TTC17: variants seen among roughly 807,000 people sequenced by gnomAD.
TTC17 encodes the protein tetratricopeptide repeat protein 17.
TTC17 carries 58 observed loss-of-function variants against 143.8 expected under a neutral mutation model. The ratio of observed to expected loss-of-function variants is 0.40; its 90% CI spans 0.33 to 0.50. TTC17 has a LOEUF of 0.50. TTC17 is among the 20% of genes least tolerant of loss of function. TTC17 has a pLI of 0.49. For synonymous variants in TTC17, 501 were observed against 497.8 expected, an observed-to-expected ratio of 1.01 and a Z score of -0.09; for missense variants, 1,273 against 1,392.5, an observed-to-expected ratio of 0.91 and a Z score of 1.37.
Position 43,407,475 on chromosome 11 carries a change from A to T in TTC17, c.1962A>T (p.Gln654His). 1 of 1,614,028 alleles carries T rather than the reference A, an allele frequency of 6.2e-7. No individual in the cohort carries two copies. The highest frequency in any genetic ancestry group is 8.5e-7 in the Non-Finnish European group (1 of 1,179,976). ...RALNLAPLQY[Q>H]DVPLVNLANL... The stretch of plus-strand genomic sequence containing the variant: ...TGAATTTAGCTCCACTTCAATACCA[A>T]GATGTTCCTCTTGTCAACTTGGCCA... The change falls in exon 15 of 24, where the codon CAA becomes CAT. Residue 654 changes from glutamine (Q) to histidine (H), a missense_variant. Transcript: ENST00000039989.
intron 15 of TTC17, among the ~76,000 whole-genome samples, chr11:43,411,398 A>C (rs1191071654): frequency 6.6e-6 from 1 of 151,894 alleles, no homozygotes; most frequent in Non-Finnish European, 1.5e-5. Context: ...TCCCTCTCAT[A>C]CTACTCTGTT....
At chr11:43,359,360 G>C (rs1855999554) in intron 1 of TTC17, 5 of 453,586 alleles carry the variant, frequency 1.1e-5, no homozygotes, top group Admixed American at 4.5e-5. Context: ...CGCGCGCCGC[G>C]TGGGGAAGAG....
At chr11:43,456,258 C>G (rs1318542554) in intron 21 of TTC17, among the ~76,000 whole-genome samples, 1 of 151,822 alleles carries the variant, frequency 6.6e-6, no homozygotes, top group East Asian at 1.9e-4. Flanking sequence ...CTTCTAAATG[C>G]TTTTCCACTG....
At chr11:43,467,848 G>T (rs141171474) in intron 21 of TTC17, among the ~76,000 whole-genome samples, 2 of 150,742 alleles carry the variant, frequency 1.3e-5, no homozygotes, top group Non-Finnish European at 3.0e-5. Flanking sequence ...GGGAGATAAG[G>T]CAATAAAGGA....
At chr11:43,393,022 T>C (rs984936183) in intron 5 of TTC17, among the ~76,000 whole-genome samples, 1 of 152,218 alleles carries the variant, frequency 6.6e-6, no homozygotes, top group Non-Finnish European at 1.5e-5. Flanking sequence ...ATTTGTCTGC[T>C]CAGGCTTCCA....
chr11:43,439,221 T>C (rs994946776), intron 16 of TTC17, among the ~76,000 whole-genome samples: 2 of 152,210 alleles, frequency 1.3e-5, no homozygotes, highest in Admixed American at 6.5e-5. Flanking sequence ...CCCGAATTTT[T>C]GGTGCAATAT....
At chr11:43,437,457 G>A (rs1293084417) in intron 16 of TTC17, among the ~76,000 whole-genome samples, 2 of 152,152 alleles carry the variant, frequency 1.3e-5, no homozygotes, top group Non-Finnish European at 2.9e-5. Flanking sequence ...AATCAATACA[G>A]AATTTTAAAG....
rs544518578 is a variant in TTC17 at position 43,451,315 on chromosome 11, C to A, written c.3030+50C>A. 274 of 1,546,928 alleles carry A rather than the reference C, an allele frequency of 1.8e-4. 3 individuals carry two copies. The South Asian group carries it at 2.7e-3, about 15-fold the overall frequency. On this transcript the variant is annotated intron_variant, in intron 21 of 23. Transcript: ENST00000039989. ...GAAACAATTGCCCTCCTTCTAACTT[C>A]TTTTCTAAGTTATTTGCTCCTAAGT...
rs1341025771 is a variant in TTC17, at chr11:43,494,383, C to G, written c.*479C>G. The G allele has an allele frequency of 6.5e-6, 1 of 154,850 alleles. No homozygotes were observed. Among genetic ancestry groups the G allele is most frequent in the Non-Finnish European group, 1.4e-5 (1 of 69,674 alleles). 9.6% of individuals were successfully genotyped at this position (154,850 alleles called of 1,614,324 possible). A position where few individuals can be genotyped will look rare whatever the true frequency, so the allele number is the denominator to read the frequency against. ...GTTCTGCGCTCTCTCCGTTAGACCT[C>G]CATGCTGTCCCCAGTCTTGTCCATT... On this transcript the variant is annotated 3_prime_UTR_variant, in exon 24 of 24. Coordinates refer to ENST00000039989, the MANE Select transcript of TTC17 (RefSeq NM_018259.6).
In TTC17 at chr11:43,359,026, C is replaced by T. The variant is rs1855978240; in HGVS notation, c.72C>T (p.Ser24=). Residue 24 remains serine, a synonymous_variant, in exon 1 of 24, where the codon AGC becomes AGT. Coordinates refer to ENST00000039989, the MANE Select transcript of TTC17 (RefSeq NM_018259.6). The part of the protein sequence containing the change: ...PPCSGPGWLL[S]LSALLSVAAR... Reference sequence around the variant, plus strand: ...GCTCCGGCCCAGGCTGGCTCCTCAGCCTTTCCGCCTTGCTGAGTGTGGCGG... The same window carrying T: ...GCTCCGGCCCAGGCTGGCTCCTCAGTCTTTCCGCCTTGCTGAGTGTGGCGG... 1.3e-6 allele frequency: 2 copies of T among 1,591,404 alleles called. No homozygotes were observed. Among genetic ancestry groups the T allele is most frequent in the Non-Finnish European group, 1.7e-6 (2 of 1,170,240 alleles).
chr11:43,386,766 T>TA lies in TTC17; in HGVS notation c.250-2885dup, dbSNP rs1486608561. Among the ~76,000 whole-genome samples, 3 of 151,360 alleles carry TA rather than the reference T, an allele frequency of 2.0e-5. No individual in the cohort carries two copies. The East Asian group carries it at 5.8e-4, about 29-fold the overall frequency. ...CATAAATTTCTATAGATTAATTTCTTACGTATGTATGTATTTATTTATTTA... is the reference window on the plus strand; with the variant it reads ...CATAAATTTCTATAGATTAATTTCTTAACGTATGTATGTATTTATTTATTTA... On this transcript the variant is annotated intron_variant, in intron 2 of 23. Coordinates refer to ENST00000039989, the MANE Select transcript of TTC17 (RefSeq NM_018259.6).
At chr11:43,490,449 G>A in intron 22 of TTC17, 91 bp downstream of exon 22, 1 of 1,451,626 alleles carries the variant, frequency 6.9e-7, no homozygotes, top group Non-Finnish European at 9.2e-7. Flanking sequence ...CCTCCCTCAT[G>A]CTCAGCCAGT....
At chr11:43,405,239 T>C (rs1858062871) in intron 11 of TTC17, among the ~76,000 whole-genome samples, 2 of 152,092 alleles carry the variant, frequency 1.3e-5, no homozygotes, top group Admixed American at 6.6e-5. Context: ...TAAGACTTGC[T>C]TCTCTTTCCG....
intron 16 of TTC17, among the ~76,000 whole-genome samples, chr11:43,440,737 ATTC>A (rs916301139): frequency 2.8e-4 from 42 of 152,208 alleles, no homozygotes; most frequent in African/African-American, 1.0e-3. Context: ...TCATCCTGTT[ATTC>A]TTCTGTTTAA....
At chr11:43,467,369 A>C (rs900206802) in intron 21 of TTC17, among the ~76,000 whole-genome samples, 1 of 152,234 alleles carries the variant, frequency 6.6e-6, no homozygotes, top group African/African-American at 2.4e-5. Context: ...ACATGCTACA[A>C]CATGGAGGAA....
chr11:43,445,257 G>C (rs928000063), intron 18 of TTC17, among the ~76,000 whole-genome samples: 1 of 152,010 alleles, frequency 6.6e-6, no homozygotes, highest in Non-Finnish European at 1.5e-5. Context: ...TCTTACAGTT[G>C]ATAGTATCTT....
At chr11:43,430,166 G>A (rs1947120943) in intron 16 of TTC17, among the ~76,000 whole-genome samples, 1 of 152,216 alleles carries the variant, frequency 6.6e-6, no homozygotes, top group South Asian at 2.1e-4. Flanking sequence ...AGTGGCTCAT[G>A]CCTATAATCC....
At chr11:43,412,079 T>G (rs879525361) in intron 15 of TTC17, among the ~76,000 whole-genome samples, 6 of 152,248 alleles carry the variant, frequency 3.9e-5, no homozygotes, top group Non-Finnish European at 8.8e-5. Flanking sequence ...ACACTATAGA[T>G]GTATTTCAGT....
At chr11:43,477,348 T>A (rs190439702) in intron 21 of TTC17, among the ~76,000 whole-genome samples, 1 of 152,324 alleles carries the variant, frequency 6.6e-6, no homozygotes, top group East Asian at 1.9e-4. Flanking sequence ...ACTTCCACAT[T>A]TTCAGGTATC....
Sources: allele counts gnomAD v4.1 joint callset (sites outside exome capture counted in the v4.1 genomes callset), GRCh38; gene constraint gnomAD v4.1.1; transcripts MANE v1.5; gene names NCBI Gene and HGNC (gene_info 2026-07-23, HGNC 2026-07-21).